Variants in ZNF385D observed in about 807,000 individuals in gnomAD.
ZNF385D encodes zinc finger protein 385D.
In ZNF385D, 15 loss-of-function variants were observed where a neutral mutation model predicts 35.8. The observed-to-expected ratio is 0.42, with a 90% CI of 0.28 to 0.64. ZNF385D has a LOEUF of 0.64. Ranked by LOEUF, ZNF385D falls within the 30% of genes least tolerant of loss-of-function variation. The pLI, the probability that ZNF385D is intolerant of heterozygous loss-of-function variation, is 0.23. For synonymous variants in ZNF385D, 212 were observed against 186.8 expected, an observed-to-expected ratio of 1.13 and a Z score of -1.10; for missense variants, 474 against 494.6, an observed-to-expected ratio of 0.96 and a Z score of 0.39.
At chr3:21,968,588 C>A (rs1703046264) in intron 3 of ZNF385D, among the ~76,000 whole-genome samples, 1 of 152,082 alleles carries the variant, frequency 6.6e-6, no homozygotes, top group Non-Finnish European at 1.5e-5. Flanking sequence ...CCCTAGCTGT[C>A]ATACTTTATT....
intron 4 of ZNF385D, among the ~76,000 whole-genome samples, chr3:21,487,494 C>T (rs1015927645): frequency 1.3e-5 from 2 of 152,178 alleles, no homozygotes; most frequent in Non-Finnish European, 2.9e-5. Flanking sequence ...ACACTATAAT[C>T]TTCCTCATTG....
intron 2 of ZNF385D, among the ~76,000 whole-genome samples, chr3:22,171,350 G>A (rs1576440488): frequency 6.6e-6 from 1 of 152,100 alleles, no homozygotes; most frequent in East Asian, 1.9e-4. Context: ...CAATTTAGCA[G>A]GGGAAAATAT....
intron 3 of ZNF385D, among the ~76,000 whole-genome samples, chr3:22,100,810 G>A (rs942539759): frequency 2.4e-4 from 36 of 151,370 alleles, no homozygotes; most frequent in African/African-American, 8.7e-4. Context: ...TTGTGCACAT[G>A]TACCCTAAAA....
chr3:22,312,922 A>C (rs1007503369), intron 2 of ZNF385D, among the ~76,000 whole-genome samples: 1 of 135,384 alleles, frequency 7.4e-6, no homozygotes, highest in African/African-American at 3.0e-5. Flanking sequence ...AAAGGACTAT[A>C]AATCATGCTG....
chr3:21,969,732 C>T (rs1054827935), intron 3 of ZNF385D, among the ~76,000 whole-genome samples: 1 of 152,102 alleles, frequency 6.6e-6, no homozygotes, highest in Non-Finnish European at 1.5e-5. Context: ...GCAGTAGTCA[C>T]CATAGGCCTT....
intron 1 of ZNF385D, among the ~76,000 whole-genome samples, chr3:21,684,179 G>A (rs1559516126): frequency 6.7e-6 from 1 of 149,210 alleles, no homozygotes; most frequent in Non-Finnish European, 1.5e-5. Flanking sequence ...TTTCAAGCAC[G>A]CTCTTTTTAC....
intron 1 of ZNF385D, among the ~76,000 whole-genome samples, chr3:21,678,320 T>G (rs535411624): frequency 9.9e-5 from 15 of 152,192 alleles, no homozygotes; most frequent in African/African-American, 3.6e-4. Context: ...TGGGAGACTT[T>G]CATTCCTGGA....
intron 3 of ZNF385D, among the ~76,000 whole-genome samples, chr3:21,842,193 A>G (rs1223705453): frequency 1.3e-5 from 2 of 152,002 alleles, no homozygotes; most frequent in Non-Finnish European, 2.9e-5. Context: ...CAATGTTGCA[A>G]GTCACCTTGG....
intron 3 of ZNF385D, among the ~76,000 whole-genome samples, chr3:22,164,560 A>C (rs146823390): frequency 1.0e-3 from 155 of 151,962 alleles, no homozygotes; most frequent in African/African-American, 3.4e-3. Context: ...ATTGAGAAAG[A>C]AAAAAGGGCA....
intron 1 of ZNF385D, among the ~76,000 whole-genome samples, chr3:21,693,451 G>C (rs774585915): frequency 6.6e-6 from 1 of 152,078 alleles, no homozygotes; most frequent in Non-Finnish European, 1.5e-5. Flanking sequence ...ATAGACCCTT[G>C]TCTCAGGCTC....
At chr3:22,059,055 T>C (rs998238263) in intron 3 of ZNF385D, among the ~76,000 whole-genome samples, 26 of 152,120 alleles carry the variant, frequency 1.7e-4, no homozygotes, top group Admixed American at 3.9e-4. Context: ...GTAGGACACA[T>C]TGTTTGGGGC....
intron 2 of ZNF385D, among the ~76,000 whole-genome samples, chr3:22,271,463 T>A (rs1249502680): frequency 1.3e-5 from 2 of 151,698 alleles, no homozygotes; most frequent in Admixed American, 1.3e-4. Context: ...CCTAACTGCA[T>A]AGAAAAAAAA....
At chr3:22,188,164 C>G (rs938780501) in intron 2 of ZNF385D, among the ~76,000 whole-genome samples, 5 of 151,874 alleles carry the variant, frequency 3.3e-5, no homozygotes, top group African/African-American at 1.2e-4. Flanking sequence ...AAGACGAAAC[C>G]GAATTTTCAA....
At chr3:21,607,864 C>T (rs1482325218) in intron 2 of ZNF385D, among the ~76,000 whole-genome samples, 1 of 152,030 alleles carries the variant, frequency 6.6e-6, no homozygotes, top group Non-Finnish European at 1.5e-5. Context: ...CTGGTCCCAT[C>T]CTTTTAAGAT....
chr3:22,263,198 C>A (rs1700723513), intron 2 of ZNF385D, among the ~76,000 whole-genome samples: 1 of 151,944 alleles, frequency 6.6e-6, no homozygotes, highest in Non-Finnish European at 1.5e-5. Flanking sequence ...TACTGCCCAG[C>A]TCAAAGCCCT....
At chr3:21,431,668 A>G (rs1253036966) in intron 5 of ZNF385D, among the ~76,000 whole-genome samples, 3 of 152,142 alleles carry the variant, frequency 2.0e-5, no homozygotes, top group Admixed American at 6.6e-5. Flanking sequence ...GGCTGTTTTC[A>G]TCATCATTTG....
At chr3:22,047,634 TATTC>T (rs2125520151) in intron 3 of ZNF385D, among the ~76,000 whole-genome samples, 1 of 152,228 alleles carries the variant, frequency 6.6e-6, no homozygotes, top group South Asian at 2.1e-4. Flanking sequence ...ACATTTTCTT[TATTC>T]ATTCATCATT....
chr3:22,195,639 CT>C (rs1167576496), intron 2 of ZNF385D, among the ~76,000 whole-genome samples: 1 of 151,902 alleles, frequency 6.6e-6, no homozygotes, highest in African/African-American at 2.4e-5. Context: ...AATGACTATA[CT>C]TTTTACACTA....
intron 6 of ZNF385D, 22 bp downstream of exon 6, chr3:21,425,470 T>C (rs1409574179): frequency 6.4e-7 from 1 of 1,555,196 alleles, no homozygotes; most frequent in African/African-American, 1.4e-5. Flanking sequence ...TGGTTTTCAT[T>C]CCTAGAATAC....
Sources: allele counts gnomAD v4.1 joint callset (sites outside exome capture counted in the v4.1 genomes callset), GRCh38; gene constraint gnomAD v4.1.1; transcripts MANE v1.5; gene names NCBI Gene and HGNC (gene_info 2026-07-23, HGNC 2026-07-21).